The following VASH2 variants were observed in gnomAD, a reference collection of about 807,000 sequenced individuals.
The protein encoded by VASH2 is tubulinyl-Tyr carboxypeptidase 2.
In VASH2, 28 loss-of-function variants were observed where a neutral mutation model predicts 37.2. The ratio of observed to expected loss-of-function variants is 0.75; its 90% CI spans 0.56 to 1.03. The LOEUF is 1.03. Among genes scored for constraint, VASH2 ranks in the 50% least tolerant of loss-of-function variants. The probability of loss-of-function intolerance (pLI) is 0.00; values close to 1 mark genes in which losing one functional copy is unlikely to be tolerated. For synonymous variants in VASH2, 188 were observed against 174.7 expected, an observed-to-expected ratio of 1.08 and a Z score of -0.60; for missense variants, 419 against 459.1, an observed-to-expected ratio of 0.91 and a Z score of 0.80.
chr1:212,960,230 G>C (rs531791765), intron 2 of VASH2, among the ~76,000 whole-genome samples: 3 of 152,298 alleles, frequency 2.0e-5, no homozygotes, highest in Non-Finnish European at 4.4e-5. Context: ...GTCCTTGCCT[G>C]ACTTTGGTTC....
rs1013175324 is a variant in VASH2 at position 212,950,624 on chromosome 1, G to A, written c.-321G>A. 1 of 154,360 alleles carries A rather than the reference G, an allele frequency of 6.5e-6. No homozygotes were observed. The highest frequency in any genetic ancestry group is 6.5e-5 in the Admixed American group (1 of 15,306). The allele number at this position is 154,360 out of a possible 1,614,324, so 9.6% of individuals were successfully genotyped here. ...AGAATGGGACATGGAATGAGGCGAC[G>A]GCCCCAGCAAGCCCCAGCAGCCCCA... is the stretch of plus-strand genomic sequence containing the variant. On this transcript the variant is annotated 5_prime_UTR_variant, in exon 1 of 8. Transcript: ENST00000517399. This position sits in a 1 kb window ranked among gnomAD's most constrained non-coding sequence, Gnocchi z 5.5.
chr1:212,960,810 C>T (rs548129366), intron 2 of VASH2, among the ~76,000 whole-genome samples: 1 of 152,326 alleles, frequency 6.6e-6, no homozygotes, highest in East Asian at 1.9e-4. Flanking sequence ...GCTTTCGTGT[C>T]CGTCCTGGGC....
At chr1:212,962,068 G>T (rs553571174) in intron 3 of VASH2, among the ~76,000 whole-genome samples, 2 of 152,142 alleles carry the variant, frequency 1.3e-5, no homozygotes, top group African/African-American at 4.8e-5. Flanking sequence ...TGAATGGTTC[G>T]GCTTCTGGGA....
chr1:212,962,292 A>G (rs1343646308), intron 3 of VASH2, among the ~76,000 whole-genome samples: 1 of 152,176 alleles, frequency 6.6e-6, no homozygotes, highest in African/African-American at 2.4e-5. Context: ...CTGGTATTTT[A>G]TAGAGGAGTC....
intron 7 of VASH2, among the ~76,000 whole-genome samples, chr1:212,974,283 A>C (rs183158310): frequency 6.6e-6 from 1 of 152,232 alleles, no homozygotes; most frequent in Non-Finnish European, 1.5e-5. Flanking sequence ...GTTGCACACA[A>C]ACGGAGGGAT....
intron 2 of VASH2, among the ~76,000 whole-genome samples, chr1:212,955,812 T>A (rs375823463): frequency 1.9e-4 from 29 of 152,342 alleles, no homozygotes; most frequent in African/African-American, 7.0e-4. Flanking sequence ...CCCTGCCCGC[T>A]GCCACCTCTT....
chr1:212,974,683 A>G (rs1420295027), intron 7 of VASH2: 1 of 152,230 alleles, frequency 6.6e-6, no homozygotes, highest in Non-Finnish European at 1.5e-5. Context: ...GGGATGCCCA[A>G]ATTCACCAGC....
At chr1:212,973,363 CTT>C (rs1667069061) in intron 6 of VASH2, 2 of 1,283,932 alleles carry the variant, frequency 1.6e-6, no homozygotes, top group Admixed American at 4.6e-5. Context: ...ATACGTCCCT[CTT>C]CTCTCTCTCA....
chr1:212,965,906 G>A (rs1666827046), intron 4 of VASH2, 128 bp downstream of exon 4: 1 of 907,416 alleles, frequency 1.1e-6, no homozygotes, highest in African/African-American at 1.7e-5. Flanking sequence ...TGGAGGCGGA[G>A]GGTGCCCCAG....
intron 6 of VASH2, chr1:212,973,687 G>A (rs949375494): frequency 2.4e-6 from 3 of 1,271,800 alleles, no homozygotes; most frequent in Non-Finnish European, 3.0e-6. Context: ...GAGGCATTGG[G>A]CTGTGTTCCT....
chr1:212,953,390 C>T (rs145645243), intron 2 of VASH2, among the ~76,000 whole-genome samples: 213 of 152,238 alleles, frequency 1.4e-3, no homozygotes, highest in African/African-American at 4.6e-3. Context: ...TGGCCAGAGT[C>T]GATTGTTAGG....
intron 5 of VASH2, chr1:212,968,973 A>G (rs965876341): frequency 6.1e-6 from 6 of 985,296 alleles, no homozygotes; most frequent in Admixed American, 6.2e-5. Context: ...GCATCATGCC[A>G]CTGGAATCAC....
In VASH2 at chr1:212,961,263, C is replaced by T. The variant is rs1174158821; in HGVS notation, c.365+9C>T. On this transcript the variant is annotated intron_variant, in intron 3 of 7. Coordinates refer to ENST00000517399, the MANE Select transcript of VASH2 (RefSeq NM_001301056.2). ...TACATGAAGACCCTACAGTATCCTT[C>T]CAACCAAGGTCTGAGCACACCCAGC... The T allele has an allele frequency of 4.3e-6, 7 of 1,614,094 alleles. No homozygotes were observed. The highest frequency in any genetic ancestry group is 1.1e-5 in the South Asian group (1 of 91,078).
chr1:212,961,262 T>C lies in VASH2; in HGVS notation c.365+8T>C. 6.2e-7 allele frequency: 1 copy of C among 1,614,110 alleles called. No individual in the cohort carries two copies. Among genetic ancestry groups the C allele is most frequent in the South Asian group, 1.1e-5 (1 of 91,068 alleles). On this transcript the variant is annotated splice_region_variant and intron_variant, in intron 3 of 7. Transcript: ENST00000517399. ...TTACATGAAGACCCTACAGTATCCT[T>C]CCAACCAAGGTCTGAGCACACCCAG...
intron 5 of VASH2, 82 bp downstream of exon 5, chr1:212,966,427 A>C: frequency 8.4e-7 from 1 of 1,193,386 alleles, no homozygotes; most frequent in Non-Finnish European, 1.2e-6. Context: ...TAACATTGTA[A>C]ATTCTCAGAG....
chr1:212,968,664 A>C, intron 5 of VASH2: 3 of 985,622 alleles, frequency 3.0e-6, no homozygotes, highest in Non-Finnish European at 2.4e-6. Context: ...CCCAGCAGGA[A>C]GCTGGGAATG....
Position 212,972,792 on chromosome 1 carries a change from A to G in VASH2, c.710A>G (p.Lys237Arg), listed in dbSNP as rs1315450266. Residue 237 changes from lysine (K) to arginine (R), a missense_variant, in exon 6 of 8, where the codon AAG (lysine) becomes AGG (arginine). Around this residue, in one of 3 missense-constraint regions of VASH2, gnomAD observed 177 missense variants for 166.2 expected, o/e 1.06. Transcript: ENST00000517399. Reference sequence around the variant, plus strand: ...ATCTTTGACTTTGAGGACTCTTACAAGAAATACCTGCACACAGTCAAGAAG... The same window carrying G: ...ATCTTTGACTTTGAGGACTCTTACAGGAAATACCTGCACACAGTCAAGAAG... ...DLIFDFEDSY[K>R]KYLHTVKKVK... The G allele has an allele frequency of 1.2e-6, 2 of 1,614,204 alleles. No individual in the cohort carries two copies. The highest frequency in any genetic ancestry group is 2.2e-5 in the East Asian group (1 of 44,884).
intron 2 of VASH2, among the ~76,000 whole-genome samples, chr1:212,955,796 G>T (rs1666471745): frequency 1.3e-5 from 2 of 152,200 alleles, no homozygotes; most frequent in South Asian, 4.1e-4. Flanking sequence ...TGCAGTCAAG[G>T]GCTGTCCCTG....
At chr1:212,962,178 G>A (rs1016238929) in intron 3 of VASH2, among the ~76,000 whole-genome samples, 1 of 152,142 alleles carries the variant, frequency 6.6e-6, no homozygotes, top group Non-Finnish European at 1.5e-5. Flanking sequence ...TTTCTTCTCC[G>A]CATCCGCAGG....
Sources: allele counts gnomAD v4.1 joint callset (sites outside exome capture counted in the v4.1 genomes callset), GRCh38; gene constraint gnomAD v4.1.1; regional missense constraint gnomAD v4.1.1; non-coding constraint Gnocchi (gnomAD v3.1); transcripts MANE v1.5; gene names NCBI Gene and HGNC (gene_info 2026-07-23, HGNC 2026-07-21).